RARB: variants seen among roughly 807,000 people sequenced by gnomAD.
RARB encodes HBV-activated protein.
Under a neutral mutation model 51.9 loss-of-function variants are expected in RARB, and 17 were observed. The observed-to-expected ratio is 0.33, with a 90% CI of 0.22 to 0.49. The LOEUF (loss-of-function observed/expected upper bound fraction) is 0.49, where lower values mean the gene tolerates loss of function less well. Among genes scored for constraint, RARB ranks in the 20% least tolerant of loss-of-function variants. The pLI is 0.99. For synonymous variants in RARB, 215 were observed against 195.4 expected, an observed-to-expected ratio of 1.10 and a Z score of -0.84; for missense variants, 369 against 550.8, an observed-to-expected ratio of 0.67 and a Z score of 3.30.
intron 2 of RARB, among the ~76,000 whole-genome samples, chr3:24,904,229 T>G (rs1165716327): frequency 6.6e-6 from 1 of 152,232 alleles, no homozygotes; most frequent in East Asian, 1.9e-4. Context: ...TTTTGAGTAT[T>G]ACATGTTGTA....
At chr3:25,389,963 A>T (rs993956143) in intron 5 of RARB, among the ~76,000 whole-genome samples, 4 of 152,156 alleles carry the variant, frequency 2.6e-5, no homozygotes, top group African/African-American at 9.7e-5. Context: ...TGGTAAGGAG[A>T]CATAAGTTTG....
intron 2 of RARB, among the ~76,000 whole-genome samples, chr3:25,059,512 A>T (rs1304310363): frequency 6.6e-6 from 1 of 151,858 alleles, no homozygotes; most frequent in Admixed American, 6.6e-5. Flanking sequence ...TGACTAAAAA[A>T]CCATGTTCTG....
chr3:25,102,636 T>G (rs1210333518), intron 3 of RARB, among the ~76,000 whole-genome samples: 5 of 152,128 alleles, frequency 3.3e-5, no homozygotes, highest in Admixed American at 2.6e-4. Flanking sequence ...ATTTTTGAGT[T>G]TATATATTTA....
chr3:24,934,230 G>A (rs1695502885), intron 2 of RARB, among the ~76,000 whole-genome samples: 1 of 152,114 alleles, frequency 6.6e-6, no homozygotes, highest in Non-Finnish European at 1.5e-5. Flanking sequence ...TCTTCCTAGA[G>A]TGAAAATTCA....
At chr3:25,373,806 T>G (rs1346559603) in intron 5 of RARB, among the ~76,000 whole-genome samples, 2 of 152,124 alleles carry the variant, frequency 1.3e-5, no homozygotes, top group Non-Finnish European at 2.9e-5. Context: ...ACTTGAACTT[T>G]AGAGAGGCCA....
intron 5 of RARB, among the ~76,000 whole-genome samples, chr3:25,384,523 G>T (rs1049012043): frequency 2.2e-4 from 34 of 152,330 alleles, no homozygotes; most frequent in African/African-American, 7.9e-4. Flanking sequence ...CTGGGGACAG[G>T]AGGGGAGGGA....
rs144600455 is a variant in RARB at position 25,542,010 on chromosome 3, AAAG to A, written c.449-27739_449-27737del. Among the ~76,000 whole-genome samples, 1,230 of 152,372 alleles carry A rather than the reference AAAG, an allele frequency of 8.1e-3. 27 individuals are homozygous for A. Among genetic ancestry groups the A allele is most frequent in the African/African-American group, 0.028 (1,168 of 41,598 alleles). ...AAGAAAGGATGTAAGAGAGAAAAGG[AAAG>A]AAGAAGAAAGGAAAGCTAGGCATAG... On this transcript the variant is annotated intron_variant, in intron 3 of 7. Coordinates refer to ENST00000330688, the MANE Select transcript of RARB (RefSeq NM_000965.5).
At chr3:25,377,430 G>A (rs975643929) in intron 5 of RARB, among the ~76,000 whole-genome samples, 4 of 152,326 alleles carry the variant, frequency 2.6e-5, no homozygotes, top group African/African-American at 9.6e-5. Flanking sequence ...ATTCTTACAT[G>A]CTGGGCATGG....
chr3:24,867,928 T>G (rs1309666875), intron 2 of RARB, among the ~76,000 whole-genome samples: 1 of 152,178 alleles, frequency 6.6e-6, no homozygotes, highest in Non-Finnish European at 1.5e-5. Context: ...TGTGAAATGA[T>G]TCCCCATTGA....
chr3:24,937,683 T>C (rs780179928), intron 2 of RARB, among the ~76,000 whole-genome samples: 1 of 152,050 alleles, frequency 6.6e-6, no homozygotes, highest in Non-Finnish European at 1.5e-5. Flanking sequence ...ATCAAAACAT[T>C]TATTCAGGCT....
chr3:24,909,711 G>T (rs367699491), intron 2 of RARB, among the ~76,000 whole-genome samples: 5 of 151,878 alleles, frequency 3.3e-5, no homozygotes, highest in African/African-American at 4.8e-5. Context: ...TCTTTTAACC[G>T]TGATGGATTT....
intron 5 of RARB, among the ~76,000 whole-genome samples, chr3:25,250,888 G>A (rs1012416208): frequency 1.3e-5 from 2 of 152,152 alleles, no homozygotes; most frequent in African/African-American, 4.8e-5. Context: ...AGTCTGTGGT[G>A]GGAATCTGTA....
At chr3:24,856,240 T>G (rs1412632426) in intron 1 of RARB, among the ~76,000 whole-genome samples, 1 of 152,052 alleles carries the variant, frequency 6.6e-6, no homozygotes, top group East Asian at 1.9e-4. Flanking sequence ...ATGAGCCAGG[T>G]TTTAGACCTA....
intron 2 of RARB, among the ~76,000 whole-genome samples, chr3:24,986,658 A>T (rs568528761): frequency 6.6e-6 from 1 of 152,346 alleles, no homozygotes; most frequent in South Asian, 2.1e-4. Flanking sequence ...AAACAAGAGA[A>T]TAAAAACAAT....
intron 2 of RARB, among the ~76,000 whole-genome samples, chr3:24,911,781 T>A (rs1694993843): frequency 6.6e-6 from 1 of 152,194 alleles, no homozygotes; most frequent in African/African-American, 2.4e-5. Context: ...AGCAAGATCT[T>A]GTCTCTTAAA....
chr3:25,019,267 T>C (rs1037139540), intron 2 of RARB, among the ~76,000 whole-genome samples: 1 of 152,172 alleles, frequency 6.6e-6, no homozygotes, highest in African/African-American at 2.4e-5. Flanking sequence ...TTCAGAACTA[T>C]TTTTGATTGT....
At chr3:24,976,489 G>T (rs548203550) in intron 2 of RARB, among the ~76,000 whole-genome samples, 3 of 152,278 alleles carry the variant, frequency 2.0e-5, no homozygotes, top group African/African-American at 7.2e-5. Flanking sequence ...GTATCTCATT[G>T]TGGTTTTGAT....
chr3:25,292,548 AG>A (rs1703815877), intron 5 of RARB, among the ~76,000 whole-genome samples: 1 of 152,202 alleles, frequency 6.6e-6, no homozygotes, highest in African/African-American at 2.4e-5. Context: ...AAGATGAAAA[AG>A]TTCTTCTAAA....
At chr3:25,179,958 G>A (rs1465268721) in intron 5 of RARB, among the ~76,000 whole-genome samples, 1 of 152,150 alleles carries the variant, frequency 6.6e-6, no homozygotes, top group Non-Finnish European at 1.5e-5. Flanking sequence ...GTTCTAATGA[G>A]GAGCTGAGCT....
Sources: allele counts gnomAD v4.1 joint callset (sites outside exome capture counted in the v4.1 genomes callset), GRCh38; gene constraint gnomAD v4.1.1; transcripts MANE v1.5; gene names NCBI Gene and HGNC (gene_info 2026-07-23, HGNC 2026-07-21).